The following OTUD7A variants were observed in gnomAD, a reference collection of about 807,000 sequenced individuals.
OTUD7A encodes the protein OTU deubiquitinase 7A.
OTUD7A carries 12 observed loss-of-function variants against 65.7 expected under a neutral mutation model. The ratio of observed to expected loss-of-function variants is 0.18; its 90% CI spans 0.12 to 0.30. The LOEUF is 0.30. OTUD7A is among the 10% of genes least tolerant of loss of function. The pLI is 1.00. For missense variants in OTUD7A, 1,148 were observed against 1,304.8 expected, an observed-to-expected ratio of 0.88 and a Z score of 1.85; for synonymous variants, 641 against 586.3, an observed-to-expected ratio of 1.09 and a Z score of -1.35.
chr15:31,640,948 C>T (rs1383516793), intron 3 of OTUD7A, among the ~76,000 whole-genome samples: 1 of 152,092 alleles, frequency 6.6e-6, no homozygotes, highest in South Asian at 2.1e-4. Flanking sequence ...ATCAACATCA[C>T]AGTTTTGATT....
At chr15:31,754,813 A>G (rs1041966951) in intron 1 of OTUD7A, among the ~76,000 whole-genome samples, 1 of 152,118 alleles carries the variant, frequency 6.6e-6, no homozygotes, top group Non-Finnish European at 1.5e-5. Context: ...TGCACTTTTA[A>G]TATTATTATG....
chr15:31,658,230 T>A (rs1165194888), intron 1 of OTUD7A, among the ~76,000 whole-genome samples: 1 of 152,212 alleles, frequency 6.6e-6, no homozygotes, highest in Non-Finnish European at 1.5e-5. Flanking sequence ...TGGCCCATAG[T>A]ACATGCTCAA....
chr15:31,859,518 C>A (rs913759945), intron 1 of OTUD7A, among the ~76,000 whole-genome samples: 1 of 152,188 alleles, frequency 6.6e-6, no homozygotes, highest in African/African-American at 2.4e-5. Flanking sequence ...GTTCACCTTG[C>A]AGATGTCTTT....
intron 1 of OTUD7A, among the ~76,000 whole-genome samples, chr15:31,774,949 G>C (rs987788673): frequency 6.9e-6 from 1 of 145,352 alleles, no homozygotes; most frequent in African/African-American, 2.6e-5. Flanking sequence ...TGCCTTCTCG[G>C]TGGAACAGTT....
chr15:31,592,551 G>A (rs925703849), intron 3 of OTUD7A, among the ~76,000 whole-genome samples: 1 of 151,896 alleles, frequency 6.6e-6, no homozygotes, highest in African/African-American at 2.4e-5. Context: ...ACTTCCTGAA[G>A]GACCTGCCTG....
chr15:31,487,318 G>A lies in OTUD7A; in HGVS notation c.1287-40C>T, dbSNP rs1297690459. 6.2e-7 allele frequency: 1 copy of A among 1,605,556 alleles called. No homozygotes were observed. Among genetic ancestry groups the A allele is most frequent in the Admixed American group, 1.7e-5 (1 of 59,852 alleles). On this transcript the variant is annotated intron_variant, in intron 11 of 12. Coordinates refer to ENST00000307050, the MANE Select transcript of OTUD7A (RefSeq NM_001382637.1). This position sits in a 1 kb window ranked among gnomAD's most constrained non-coding sequence, Gnocchi z 6.0. The stretch of plus-strand genomic sequence containing the variant: ...ATATCCTATTGAAATGGTCTGAGCT[G>A]GCCCTTATAGCACCCAGTCCACTTG...
intron 3 of OTUD7A, among the ~76,000 whole-genome samples, chr15:31,575,809 G>A: frequency 6.6e-6 from 1 of 152,168 alleles, no homozygotes; most frequent in East Asian, 1.9e-4. Context: ...CCTCCCATGT[G>A]CCCACAAGCG....
At chr15:31,852,479 T>C (rs1360585476) in intron 1 of OTUD7A, among the ~76,000 whole-genome samples, 1 of 152,380 alleles carries the variant, frequency 6.6e-6, no homozygotes, top group Non-Finnish European at 1.5e-5. Flanking sequence ...CTCAAATTAT[T>C]GCAATAAACT....
At chr15:31,682,577 A>C (rs1249543036) in intron 1 of OTUD7A, among the ~76,000 whole-genome samples, 2 of 152,242 alleles carry the variant, frequency 1.3e-5, no homozygotes, top group African/African-American at 2.4e-5. Context: ...ATTTTTGACA[A>C]AGGCACAAAG....
chr15:31,489,231 G>C (rs2041283266), intron 10 of OTUD7A, among the ~76,000 whole-genome samples: 1 of 152,226 alleles, frequency 6.6e-6, no homozygotes, highest in Non-Finnish European at 1.5e-5. Context: ...GCAGCTCCTG[G>C]GAGTTCCAAG....
rs1595552026 is a variant in OTUD7A at position 31,487,578 on chromosome 15, G to A, written c.1172-12C>T. 6.8e-6 allele frequency: 11 copies of A among 1,608,578 alleles called. No homozygotes were observed. The highest frequency in any genetic ancestry group is 9.3e-6 in the Non-Finnish European group (11 of 1,177,318). ...CAGGGGGATCACGGCTGGAACAGAAGAGACAGAGCCGTGCTTGGAGCCCCG... is the reference window on the plus strand; with the variant it reads ...CAGGGGGATCACGGCTGGAACAGAAAAGACAGAGCCGTGCTTGGAGCCCCG... On this transcript the variant is annotated splice_polypyrimidine_tract_variant and intron_variant, in intron 10 of 12. Coordinates refer to ENST00000307050, the MANE Select transcript of OTUD7A (RefSeq NM_001382637.1). The surrounding 1 kb of genome is among the most constrained non-coding windows in gnomAD (Gnocchi z 6.0).
At chr15:31,818,555 T>C (rs1896606201) in intron 1 of OTUD7A, among the ~76,000 whole-genome samples, 1 of 151,988 alleles carries the variant, frequency 6.6e-6, no homozygotes, top group South Asian at 2.1e-4. Flanking sequence ...TGATAAAGAG[T>C]GGGCAGAGAG....
chr15:31,688,214 C>CAA (rs71424610), intron 1 of OTUD7A, among the ~76,000 whole-genome samples: 6,497 of 134,088 alleles, frequency 0.048, 275 homozygotes, highest in African/African-American at 0.12. Flanking sequence ...GACTCCATCT[C>CAA]AAAAAAAAAA....
At chr15:31,733,927 G>T (rs1894116434) in intron 1 of OTUD7A, among the ~76,000 whole-genome samples, 1 of 152,280 alleles carries the variant, frequency 6.6e-6, no homozygotes, top group African/African-American at 2.4e-5. Context: ...TAGAGAAGCT[G>T]ATCATGTTTC....
chr15:31,822,759 C>T (rs1235651785), intron 1 of OTUD7A, among the ~76,000 whole-genome samples: 5 of 152,180 alleles, frequency 3.3e-5, no homozygotes, highest in Admixed American at 3.3e-4. Flanking sequence ...CCCCTCAGGA[C>T]CAAGAGGGCA....
At chr15:31,555,225 T>C (rs1211279960) in intron 5 of OTUD7A, among the ~76,000 whole-genome samples, 2 of 152,164 alleles carry the variant, frequency 1.3e-5, no homozygotes, top group Non-Finnish European at 1.5e-5. Flanking sequence ...CCTGGGTTCA[T>C]GTTCTGTCCA....
chr15:31,730,320 G>GC (rs926857596), intron 1 of OTUD7A, among the ~76,000 whole-genome samples: 2 of 152,152 alleles, frequency 1.3e-5, no homozygotes, highest in African/African-American at 4.8e-5. Context: ...ACAACCCTCT[G>GC]CATTTAAAGC....
chr15:31,791,050 C>T (rs748552288), intron 1 of OTUD7A, among the ~76,000 whole-genome samples: 1 of 152,134 alleles, frequency 6.6e-6, no homozygotes, highest in African/African-American at 2.4e-5. Flanking sequence ...TCTTTTGAGA[C>T]GGAGTCTTGT....
chr15:31,648,804 A>C (rs892364465), intron 3 of OTUD7A, among the ~76,000 whole-genome samples: 3 of 152,158 alleles, frequency 2.0e-5, no homozygotes, highest in Non-Finnish European at 2.9e-5. Context: ...CTCTGTCTCC[A>C]GGCTGGAGTG....
Sources: allele counts gnomAD v4.1 joint callset (sites outside exome capture counted in the v4.1 genomes callset), GRCh38; gene constraint gnomAD v4.1.1; non-coding constraint Gnocchi (gnomAD v3.1); transcripts MANE v1.5; gene names NCBI Gene and HGNC (gene_info 2026-07-23, HGNC 2026-07-21).